The following SNX10 variants were observed in gnomAD, a reference collection of about 807,000 sequenced individuals.
The protein encoded by SNX10 is sorting nexin 10, also known as sorting nexin-10.
SNX10 carries 25 observed loss-of-function variants against 28.5 expected under a neutral mutation model. The ratio of observed to expected loss-of-function variants is 0.88; its 90% CI spans 0.64 to 1.22. The LOEUF (loss-of-function observed/expected upper bound fraction) is 1.22. Ranked by LOEUF, SNX10 falls within the 50% of genes most tolerant of loss-of-function variation. SNX10 has a pLI of 0.00. For synonymous variants in SNX10, 62 were observed against 81.4 expected (o/e 0.76, Z 1.28); for missense variants, 223 against 242.6 (o/e 0.92, Z 0.54).
At chr7:26,357,738 G>A (rs1435173078) in intron 2 of SNX10, among the ~76,000 whole-genome samples, 1 of 152,176 alleles carries the variant, frequency 6.6e-6, no homozygotes, top group Non-Finnish European at 1.5e-5. Context: ...CTTGGTCTGT[G>A]TGGATTTGGG....
intron 2 of SNX10, among the ~76,000 whole-genome samples, chr7:26,353,459 T>G (rs368003624): frequency 0.049 from 2,841 of 57,862 alleles, 28 homozygotes; most frequent in East Asian, 0.18. Flanking sequence ...TTTTTTTTTT[T>G]TGGTGGGGAG....
At chr7:26,320,193 G>A (rs935849243) in intron 1 of SNX10, among the ~76,000 whole-genome samples, 5 of 151,820 alleles carry the variant, frequency 3.3e-5, no homozygotes, top group Admixed American at 3.3e-4. Flanking sequence ...TGTTGGCCAG[G>A]CTGGTCCCCA....
intron 1 of SNX10, among the ~76,000 whole-genome samples, chr7:26,299,975 C>T (rs954403012): frequency 2.6e-5 from 4 of 152,044 alleles, no homozygotes; most frequent in Non-Finnish European, 5.9e-5. Context: ...CTTTGGGAGG[C>T]CGAGGCGAGT....
intron 2 of SNX10, chr7:26,356,872 A>G (rs1490674375): frequency 5.2e-6 from 1 of 190,684 alleles, no homozygotes; most frequent in East Asian, 1.1e-4. Flanking sequence ...GGTTTGTTAA[A>G]TTAAGATAAA....
intron 1 of SNX10, among the ~76,000 whole-genome samples, chr7:26,343,373 T>C (rs1329945931): frequency 5.3e-5 from 8 of 152,178 alleles, no homozygotes; most frequent in Non-Finnish European, 1.0e-4. Flanking sequence ...TTGGGCAACT[T>C]AACCCCTTAA....
At chr7:26,314,313 A>G (rs1786976724) in intron 1 of SNX10, among the ~76,000 whole-genome samples, 1 of 150,790 alleles carries the variant, frequency 6.6e-6, no homozygotes, top group Admixed American at 6.6e-5. Flanking sequence ...GCTGGAGTGC[A>G]GTGGTGGTAT....
chr7:26,294,037 A>G (rs1269214511), intron 1 of SNX10, among the ~76,000 whole-genome samples: 1 of 152,120 alleles, frequency 6.6e-6, no homozygotes, highest in African/African-American at 2.4e-5. Context: ...GTTTTTAGTG[A>G]CAGGGCTGTG....
chr7:26,314,342 C>G (rs1170636305), intron 1 of SNX10, among the ~76,000 whole-genome samples: 1 of 151,896 alleles, frequency 6.6e-6, no homozygotes, highest in African/African-American at 2.4e-5. Context: ...ACTGCAACCT[C>G]TGCCTCCATT....
intron 2 of SNX10, among the ~76,000 whole-genome samples, chr7:26,349,198 A>G (rs1283552619): frequency 6.6e-6 from 1 of 152,226 alleles, no homozygotes; most frequent in African/African-American, 2.4e-5. Flanking sequence ...CTTTTCTCTC[A>G]GTACCCACAG....
At chr7:26,325,323 A>ATATATATATATATATATATATG (rs1787462640) in intron 1 of SNX10, among the ~76,000 whole-genome samples, 1 of 111,898 alleles carries the variant, frequency 8.9e-6, no homozygotes, top group Non-Finnish European at 1.9e-5. Flanking sequence ...ATATATATAT[A>ATATATATATATATATATATATG]TATATTTGAG....
chr7:26,320,941 G>A (rs1295803366), intron 1 of SNX10, among the ~76,000 whole-genome samples: 1 of 152,162 alleles, frequency 6.6e-6, no homozygotes, highest in South Asian at 2.1e-4. Flanking sequence ...TTACCAAGGG[G>A]CATTTGGGTT....
chr7:26,321,616 G>A (rs1455692042), intron 1 of SNX10, among the ~76,000 whole-genome samples: 2 of 152,268 alleles, frequency 1.3e-5, no homozygotes, highest in East Asian at 3.9e-4. Flanking sequence ...GGATGTAATG[G>A]CTTGAGCACT....
Position 26,322,931 on chromosome 7 carries a change from GT to G in SNX10, c.-23-23487del, listed in dbSNP as rs1787362809. On this transcript the variant is annotated intron_variant, in intron 1 of 6. Coordinates refer to ENST00000338523, the MANE Select transcript of SNX10 (RefSeq NM_013322.3). ...AAACAAATAAATAGTATAGATTCAG[GT>G]TGTGTTAAGTGCTGCTAAGAAGATA... 2.6e-5 allele frequency among the ~76,000 whole-genome samples: 4 copies of G among 152,210 alleles called. No homozygotes were observed. The South Asian group carries it at 8.3e-4, about 32-fold the overall frequency.
chr7:26,305,350 G>A (rs1172741725), intron 1 of SNX10, among the ~76,000 whole-genome samples: 1 of 152,200 alleles, frequency 6.6e-6, no homozygotes, highest in East Asian at 1.9e-4. Context: ...ACACTCCTTA[G>A]AAGTTATAAA....
At chr7:26,328,237 G>C (rs1261495886) in intron 1 of SNX10, among the ~76,000 whole-genome samples, 1 of 152,120 alleles carries the variant, frequency 6.6e-6, no homozygotes, top group Non-Finnish European at 1.5e-5. Flanking sequence ...CTGACCAGTT[G>C]GGTTTGGAAA....
At chr7:26,310,723 C>T (rs1038561006) in intron 1 of SNX10, among the ~76,000 whole-genome samples, 2 of 151,684 alleles carry the variant, frequency 1.3e-5, no homozygotes, top group Non-Finnish European at 2.9e-5. Context: ...GCTCTGTCTC[C>T]CAGGCTGGAG....
At chr7:26,367,066 C>G (rs918585423) in intron 5 of SNX10, among the ~76,000 whole-genome samples, 2 of 152,086 alleles carry the variant, frequency 1.3e-5, no homozygotes, top group Non-Finnish European at 2.9e-5. Context: ...TTGGAACAGT[C>G]ACTTCATTCC....
chr7:26,353,465 G>GGT (rs1562813946), intron 2 of SNX10, among the ~76,000 whole-genome samples: 8 of 141,460 alleles, frequency 5.7e-5, no homozygotes, highest in Admixed American at 7.0e-5. Context: ...TTTTTTGGTG[G>GGT]GGAGACAGAG....
At chr7:26,330,596 A>G (rs2128004436) in intron 1 of SNX10, among the ~76,000 whole-genome samples, 1 of 152,274 alleles carries the variant, frequency 6.6e-6, no homozygotes, top group African/African-American at 2.4e-5. Context: ...GAGAGGGCAG[A>G]GGAAGGACGG....
Sources: gnomAD v4.1 joint callset for allele counts (sites outside exome capture counted in the v4.1 genomes callset) on GRCh38, gnomAD v4.1.1 for gene constraint, MANE v1.5 for transcripts, NCBI Gene and HGNC (gene_info 2026-07-23, HGNC 2026-07-21) for gene names.